The following KCP variants were observed in gnomAD, a reference collection of about 807,000 sequenced individuals.
The protein encoded by KCP is kielin cysteine rich BMP regulator, also known as kielin/chordin-like protein.
Under a neutral mutation model 212.7 loss-of-function variants are expected in KCP, and 194 were observed. The observed-to-expected ratio is 0.91, with a 90% CI of 0.81 to 1.03. KCP has a LOEUF of 1.03. Among genes scored for constraint, KCP ranks in the 50% least tolerant of loss-of-function variants. KCP has a pLI of 0.00. For missense variants in KCP, 2,080 were observed against 2,162.5 expected (o/e 0.96, Z 0.76); for synonymous variants, 833 against 865.3 (o/e 0.96, Z 0.65).
At chr7:128,901,582 C>T (rs1280823346) in intron 8 of KCP, among the ~76,000 whole-genome samples, 8 of 152,030 alleles carry the variant, frequency 5.3e-5, no homozygotes, top group Non-Finnish European at 1.0e-4. Context: ...GCCAAGATCA[C>T]GCCACTGCAC....
At chr7:128,884,693 G>T in intron 28 of KCP, 88 bp downstream of exon 28, 2 of 1,234,456 alleles carry the variant, frequency 1.6e-6, no homozygotes, top group Non-Finnish European at 2.3e-6. Flanking sequence ...CCTGCTCCAT[G>T]CAGTGACCAG....
In KCP at chr7:128,910,657, G is replaced by A. The variant is rs1385431869; in HGVS notation, c.20C>T (p.Ala7Val). 1 of 1,510,358 alleles carries A rather than the reference G, an allele frequency of 6.6e-7. No individual in the cohort carries two copies. Among genetic ancestry groups the A allele is most frequent in the Non-Finnish European group, 8.8e-7 (1 of 1,136,490 alleles). The allele number at this position is 1,510,358 out of a possible 1,614,324, so 93.6% of individuals were successfully genotyped here. A position where few individuals can be genotyped will look rare whatever the true frequency, so the allele number is the denominator to read the frequency against. MAGVGA[A>V]ALSLLLHLGA... ...GAGGTGCAGGAGAAGGGACAGCGCAGCGGCCCCGACCCCGGCCATGCTAGC... is the reference window on the plus strand; with the variant it reads ...GAGGTGCAGGAGAAGGGACAGCGCAACGGCCCCGACCCCGGCCATGCTAGC... Residue 7 changes from alanine to valine, a missense_variant, in exon 1 of 40, where the codon GCT becomes GTT. Transcript: ENST00000610776.
rs539985989 is a variant in KCP, at chr7:128,892,715, G to A, written c.1500C>T (p.Asp500=). The change falls in exon 15 of 40, where the codon GAC becomes GAT. Residue 500 remains aspartate (D), a synonymous_variant. Coordinates refer to ENST00000610776, the MANE Select transcript of KCP (RefSeq NM_001366122.1). The part of the protein sequence containing the change: ...YANGQNFTDA[D]SPCHACHCQD... ...GACAGTGGCAGGCATGGCAAGGGCT[G>A]TCTGCATCCGTGAAGTTCTGCCCAT... is the stretch of plus-strand genomic sequence containing the variant. The A allele has an allele frequency of 9.7e-6, 15 of 1,551,678 alleles. No individual in the cohort carries two copies. The highest frequency in any genetic ancestry group is 9.5e-5 in the South Asian group (8 of 84,066).
intron 38 of KCP, among the ~76,000 whole-genome samples, chr7:128,878,058 T>C (rs866200876): frequency 2.7e-5 from 4 of 150,188 alleles, no homozygotes; most frequent in South Asian, 4.2e-4. Context: ...AAGCCTTCTT[T>C]TTTTTTTTTT....
At position 128,907,074 on chromosome 7, in the gene KCP, A is replaced by G. The variant is rs889743798; in HGVS notation, c.486+27T>C. The G allele has an allele frequency of 1.9e-6, 3 of 1,545,836 alleles. No homozygotes were observed. The Admixed American group carries it at 5.9e-5, about 30-fold the overall frequency. The stretch of plus-strand genomic sequence containing the variant: ...CTGGAGAGAGGCAGACAGGTGAGGG[A>G]TATCCAGGTAGGTCCTGGGAGCTTA... On this transcript the variant is annotated intron_variant, in intron 4 of 39. Transcript: ENST00000610776.
rs370918454 is a variant in KCP at position 128,906,929 on chromosome 7, G to A, written c.486+172C>T. On this transcript the variant is annotated intron_variant, in intron 4 of 39. Coordinates refer to ENST00000610776, the MANE Select transcript of KCP (RefSeq NM_001366122.1). The stretch of plus-strand genomic sequence containing the variant: ...GTGGCTTGGGGACCCCCCAGTGTCC[G>A]TGGGCATTGAGCTCCTTTTCCTACT... 1.2e-4 allele frequency among the ~76,000 whole-genome samples: 18 copies of A among 152,246 alleles called. No individual in the cohort carries two copies. The East Asian group carries it at 2.3e-3, about 20-fold the overall frequency.
intron 38 of KCP, 92 bp downstream of exon 38, chr7:128,878,466 C>G: frequency 2.9e-6 from 4 of 1,373,706 alleles, no homozygotes; most frequent in Non-Finnish European, 3.9e-6. Context: ...ACTTCGCCCC[C>G]CTTCCCTGCT....
In KCP at chr7:128,907,187, C is replaced by CAGCA. The variant is rs1445354886; in HGVS notation, c.410-14_410-11dup. The CAGCA allele has an allele frequency of 1.3e-6, 2 of 1,550,062 alleles. No individual in the cohort carries two copies. The highest frequency in any genetic ancestry group is 1.7e-6 in the Non-Finnish European group (2 of 1,145,762). The stretch of plus-strand genomic sequence containing the variant: ...CCATTTTGGCTGCAGCCTAAGGAGA[C>CAGCA]AGCAGTGTCACTCAAGCACCCCATG... On this transcript the variant is annotated splice_polypyrimidine_tract_variant and intron_variant, in intron 3 of 39. Transcript: ENST00000610776.
In KCP at chr7:128,887,796, TACAC is replaced by T. The variant is rs1414774418; in HGVS notation, c.2513-500_2513-497del. Among the ~76,000 whole-genome samples the T allele has an allele frequency of 1.8e-4, 18 of 101,296 alleles. 1 individual carries two copies. Among genetic ancestry groups the T allele is most frequent in the Admixed American group, 1.7e-3 (18 of 10,598 alleles). The allele number at this position is 101,296 out of a possible 152,430, so 66.5% of individuals were successfully genotyped here. A position where few individuals can be genotyped will look rare whatever the true frequency, so the allele number is the denominator to read the frequency against. ...ACACACACACATACACGCACCCACATACACACATACCCATATACACAGCCACATA... is the reference window on the plus strand; with the variant it reads ...ACACACACACATACACGCACCCACATACATACCCATATACACAGCCACATA... On this transcript the variant is annotated intron_variant, in intron 22 of 39. Coordinates refer to ENST00000610776, the MANE Select transcript of KCP (RefSeq NM_001366122.1).
chr7:128,902,730 C>A (rs1190099224), intron 8 of KCP, 47 bp downstream of exon 8: 1 of 1,481,312 alleles, frequency 6.8e-7, no homozygotes, highest in East Asian at 2.5e-5. Context: ...ATACAGTGGG[C>A]CTGAGGGCAG....
chr7:128,886,467 T>C lies in KCP; in HGVS notation c.2863A>G (p.Arg955Gly), dbSNP rs1793650757. 2.6e-6 allele frequency: 4 copies of C among 1,548,544 alleles called. No homozygotes were observed. The highest frequency in any genetic ancestry group is 3.5e-6 in the Non-Finnish European group (4 of 1,145,562). The change falls in exon 26 of 40, where the codon AGA becomes GGA. Residue 955 changes from arginine (R) to glycine (G), a missense_variant. By Grantham distance (125) the Arg-to-Gly change is moderately radical (BLOSUM62 -2). Coordinates refer to ENST00000610776, the MANE Select transcript of KCP (RefSeq NM_001366122.1). ...TERGSCCPRC[R>G]GCLAHGEEHP... ...GTAGGGCTACAGGCGGCCATACCTC[T>C]GCAGCGAGGGCAGCAGCTCCCCCGC...
chr7:128,892,251 G>A (rs1794201696), intron 16 of KCP, among the ~76,000 whole-genome samples: 1 of 150,388 alleles, frequency 6.6e-6, no homozygotes, highest in Non-Finnish European at 1.5e-5. Flanking sequence ...GCCCTAGCGT[G>A]GTGGGGCGGG....
chr7:128,890,576 C>T, intron 20 of KCP, 63 bp from the exon 21 acceptor site: 1 of 958,196 alleles, frequency 1.0e-6, no homozygotes. Context: ...ACTTGGTGGT[C>T]GTGGGGTTGA....
At chr7:128,889,501 C>T (rs1371706144) in intron 21 of KCP, among the ~76,000 whole-genome samples, 1 of 152,192 alleles carries the variant, frequency 6.6e-6, no homozygotes, top group African/African-American at 2.4e-5. Context: ...GGCACCTCTG[C>T]CATTTGCTCA....
At chr7:128,904,231 A>G (rs1585253594) in intron 5 of KCP, 93 bp from the exon 6 acceptor site, 10 of 1,516,670 alleles carry the variant, frequency 6.6e-6, no homozygotes, top group Middle Eastern at 1.7e-4. Flanking sequence ...TAGGTACTGG[A>G]CCCTTGGGGT....
intron 7 of KCP, 112 bp downstream of exon 7, chr7:128,903,615 A>G (rs1371382051): frequency 1.2e-6 from 1 of 805,260 alleles, no homozygotes; most frequent in East Asian, 2.7e-5. Flanking sequence ...CAGGCATTCC[A>G]GCTCCGCCAC....
Position 128,880,404 on chromosome 7 carries a change from T to G in KCP, c.3741A>C (p.Ser1247=). 1 of 1,521,268 alleles carries G rather than the reference T, an allele frequency of 6.6e-7. No homozygotes were observed. Among genetic ancestry groups the G allele is most frequent in the Non-Finnish European group, 8.8e-7 (1 of 1,130,140 alleles). 94.2% of individuals were successfully genotyped at this position (1,521,268 alleles called of 1,614,324 possible). ...GTVRCQSQRC[S]PLSCGPDKAP... ...CACTCACGGGGCCACACGAGAGCGGTGAGCAGCGCTGGCTCTGGCAACGCA... is the reference window on the plus strand; with the variant it reads ...CACTCACGGGGCCACACGAGAGCGGGGAGCAGCGCTGGCTCTGGCAACGCA... The change falls in exon 34 of 40, where the codon TCA becomes TCC. Residue 1247 remains serine, a synonymous_variant. Coordinates refer to ENST00000610776, the MANE Select transcript of KCP (RefSeq NM_001366122.1).
Position 128,906,331 on chromosome 7 carries a change from G to C in KCP, c.519C>G (p.Cys173Trp). Residue 173 changes from cysteine (C) to tryptophan (W), a missense_variant, in exon 5 of 40, where the codon TGC (cysteine) becomes TGG (tryptophan). Cys to Trp is a radical substitution (Grantham distance 215, BLOSUM62 -2). Coordinates refer to ENST00000610776, the MANE Select transcript of KCP (RefSeq NM_001366122.1). ...CTGGCTCAGGGCAGGGTCCTCTTGG[G>C]CATGGCTTCTGGTTGCAAGTGATGG... is the stretch of plus-strand genomic sequence containing the variant. ...EGTITCNQKP[C>W]PRGPCPEPGA... 1 of 1,550,448 alleles carries C rather than the reference G, an allele frequency of 6.4e-7. No individual in the cohort carries two copies. Among genetic ancestry groups the C allele is most frequent in the Non-Finnish European group, 8.7e-7 (1 of 1,146,906 alleles).
At chr7:128,879,669 G>C in intron 36 of KCP, 46 bp from the exon 37 acceptor site, 2 of 1,546,986 alleles carry the variant, frequency 1.3e-6, no homozygotes, top group Non-Finnish European at 1.7e-6. Context: ...CGAGGCACAT[G>C]GGTGGACAGC....
Sources: gnomAD v4.1 joint callset for allele counts (sites outside exome capture counted in the v4.1 genomes callset) on GRCh38, gnomAD v4.1.1 for gene constraint, MANE v1.5 for transcripts, NCBI Gene and HGNC (gene_info 2026-07-23, HGNC 2026-07-21) for gene names.